APOOL: variants seen among roughly 807,000 people sequenced by gnomAD.
APOOL encodes the protein MICOS complex subunit MIC27.
Under a neutral mutation model 23.1 loss-of-function variants are expected in APOOL, and 12 were observed. That is an observed-to-expected ratio of 0.52 (90% CI 0.33 to 0.84). APOOL has a LOEUF of 0.84. Ranked by LOEUF, APOOL falls within the 40% of genes least tolerant of loss-of-function variation. The pLI, the probability that APOOL is intolerant of heterozygous loss-of-function variation, is 0.02. For missense variants in APOOL, 212 were observed against 199.6 expected (o/e 1.06, Z -0.37); for synonymous variants, 77 against 69.9 (o/e 1.10, Z -0.51).
chrX:85,074,163 T>C, intron 7 of APOOL, 52 bp downstream of exon 7: 1 of 1,136,196 alleles, frequency 8.8e-7, no homozygotes, highest in Non-Finnish European at 1.2e-6. Context: ...TTTGGGTGGG[T>C]GTTGGCTTGT....
chrX:85,080,976 CTA>C (rs200770584), intron 8 of APOOL, among the ~76,000 whole-genome samples: 2,153 of 110,756 alleles, frequency 0.019, 27 homozygotes, highest in African/African-American at 0.039. Context: ...TATTTTGAGC[CTA>C]TGTGTGTCTC....
At chrX:85,064,573 T>G (rs1033806399) in intron 5 of APOOL, among the ~76,000 whole-genome samples, 4 of 111,290 alleles carry the variant, frequency 3.6e-5, no homozygotes, top group Admixed American at 9.7e-5. Context: ...GATTCTGGCA[T>G]GTTGTCTCTT....
intron 5 of APOOL, among the ~76,000 whole-genome samples, chrX:85,065,010 G>A (rs1761073284): frequency 9.0e-6 from 1 of 111,402 alleles, no homozygotes; most frequent in Non-Finnish European, 1.9e-5. Context: ...TTATGTGGAG[G>A]TGTGTGTCTC....
intron 1 of APOOL, among the ~76,000 whole-genome samples, chrX:85,021,049 A>T (rs757030905): frequency 1.8e-5 from 2 of 111,606 alleles, no homozygotes; most frequent in South Asian, 7.6e-4. Context: ...CTTGGGGTCC[A>T]CTCCTTAGCA....
intron 1 of APOOL, among the ~76,000 whole-genome samples, chrX:85,038,633 A>G (rs971415307): frequency 9.9e-6 from 1 of 100,902 alleles, no homozygotes; most frequent in Non-Finnish European, 2.0e-5. Flanking sequence ...TCATGGTTCA[A>G]TCTTGGGTGG....
intron 6 of APOOL, among the ~76,000 whole-genome samples, chrX:85,067,627 AACACACACACACACACACAC>A (rs758966009): frequency 1.1e-5 from 1 of 90,404 alleles, no homozygotes; most frequent in African/African-American, 4.1e-5. Flanking sequence ...CTGAAGGTAA[AACACACACACACACACACAC>A]ACACACACAC....
chrX:85,079,656 G>T (rs905974600), intron 8 of APOOL, among the ~76,000 whole-genome samples: 1 of 111,730 alleles, frequency 9.0e-6, no homozygotes, highest in Non-Finnish European at 1.9e-5. Flanking sequence ...AATAGTTTCA[G>T]AAGGAATGGT....
chrX:85,025,259 C>T (rs1278542952), intron 1 of APOOL, among the ~76,000 whole-genome samples: 1 of 111,500 alleles, frequency 9.0e-6, no homozygotes, highest in Non-Finnish European at 1.9e-5. Context: ...AACACCAAGC[C>T]ATAAGGGATC....
intron 8 of APOOL, among the ~76,000 whole-genome samples, chrX:85,079,672 C>T (rs57000653): frequency 2.7e-5 from 3 of 111,581 alleles, no homozygotes; most frequent in South Asian, 7.5e-4. Flanking sequence ...ATGGTACCAG[C>T]TCCTCTTTGT....
At chrX:85,040,886 T>G (rs942229206) in intron 1 of APOOL, among the ~76,000 whole-genome samples, 2 of 112,096 alleles carry the variant, frequency 1.8e-5, no homozygotes, top group African/African-American at 3.2e-5. Flanking sequence ...GTCTTTCATT[T>G]CCACCACTTT....
At position 85,008,535 on chromosome X, in the gene APOOL, TTGTGTG is replaced by T. The variant is rs57105866; in HGVS notation, c.15+4642_15+4647del. Among the ~76,000 whole-genome samples the T allele has an allele frequency of 4.9e-3, 425 of 86,124 alleles. 3 individuals carry two copies. The highest frequency in any genetic ancestry group is 7.5e-3 in the Non-Finnish European group (336 of 44,658). 74.8% of individuals were successfully genotyped at this position (86,124 alleles called of 115,157 possible). A position where few individuals can be genotyped will look rare whatever the true frequency, so the allele number is the denominator to read the frequency against. ...TTTTTTATGGTTGAATGATAACCCG[TTGTGTG>T]TGTGTGTGTGTGTGTGTGTGTGTGT... On this transcript the variant is annotated intron_variant, in intron 1 of 8. Transcript: ENST00000373173.
chrX:85,057,688 G>T (rs1923027455), intron 5 of APOOL, among the ~76,000 whole-genome samples: 3 of 105,051 alleles, frequency 2.9e-5, no homozygotes, highest in Non-Finnish European at 5.8e-5. Flanking sequence ...CTGAATGGAT[G>T]ATATATATAT....
In APOOL at chrX:85,087,723, G is replaced by A. The variant is rs1408225278; in HGVS notation, c.*45G>A. On this transcript the variant is annotated 3_prime_UTR_variant, in exon 9 of 9. Coordinates refer to ENST00000373173, the MANE Select transcript of APOOL (RefSeq NM_198450.6). ...CTACACAGAAAACTACAAGATGTGT[G>A]GCGTTGCAAATAATGATGAAAATAA... 9.7e-7 allele frequency: 1 copy of A among 1,034,747 alleles called. No homozygotes were observed. Among genetic ancestry groups the A allele is most frequent in the Admixed American group, 3.1e-5 (1 of 32,614 alleles). The allele number at this position is 1,034,747 out of a possible 1,213,427, so 85.3% of individuals were successfully genotyped here.
At position 85,088,263 on chromosome X, in the gene APOOL, C is replaced by A. The variant is rs1353109905; in HGVS notation, c.*585C>A. On this transcript the variant is annotated 3_prime_UTR_variant, in exon 9 of 9. Coordinates refer to ENST00000373173, the MANE Select transcript of APOOL (RefSeq NM_198450.6). Reference sequence around the variant, plus strand: ...ACATATATTTCTGCTCTAGCTTTCCCAGATTAATGCTAGTTAAATTAGAAT... The same window carrying A: ...ACATATATTTCTGCTCTAGCTTTCCAAGATTAATGCTAGTTAAATTAGAAT... 1 of 89,958 alleles carries A rather than the reference C, an allele frequency of 1.1e-5. No homozygotes were observed. Among genetic ancestry groups the A allele is most frequent in the African/African-American group, 4.2e-5 (1 of 23,668 alleles). 7.4% of individuals were successfully genotyped at this position (89,958 alleles called of 1,213,427 possible). A position where few individuals can be genotyped will look rare whatever the true frequency, so the allele number is the denominator to read the frequency against.
chrX:85,053,058 A>G (rs1159683654), intron 3 of APOOL, among the ~76,000 whole-genome samples: 1 of 111,804 alleles, frequency 8.9e-6, no homozygotes, highest in East Asian at 2.8e-4. Context: ...CCATTCTTTA[A>G]AAATTATGTC....
chrX:85,087,311 C>T (rs941586385), intron 8 of APOOL, among the ~76,000 whole-genome samples: 2 of 111,138 alleles, frequency 1.8e-5, no homozygotes, highest in South Asian at 3.8e-4. Flanking sequence ...CTTCAGTTCT[C>T]GGCTCATGTA....
chrX:85,050,346 A>G lies in APOOL; in HGVS notation c.121-1043A>G, dbSNP rs200421891. ...AGTATATATACATTGTGGAATGACT[A>G]AATCTGTCTAATTTACATATGTATT... On this transcript the variant is annotated intron_variant, in intron 2 of 8. Coordinates refer to ENST00000373173, the MANE Select transcript of APOOL (RefSeq NM_198450.6). Among the ~76,000 whole-genome samples, 4 of 111,799 alleles carry G rather than the reference A, an allele frequency of 3.6e-5. No individual in the cohort carries two copies. In the East Asian group the frequency reaches 8.4e-4, roughly 24 times the overall value.
chrX:85,023,566 A>G (rs992157359), intron 1 of APOOL, among the ~76,000 whole-genome samples: 3 of 112,074 alleles, frequency 2.7e-5, no homozygotes, highest in South Asian at 3.7e-4. Flanking sequence ...CCTAAAATCC[A>G]TATGCAACCA....
chrX:85,089,747 A>T lies in APOOL; in HGVS notation c.*2069A>T, dbSNP rs769576519. The T allele has an allele frequency of 9.9e-5, 11 of 110,594 alleles. No homozygotes were observed. In the South Asian group the frequency reaches 4.3e-3, roughly 43 times the overall value. The allele number at this position is 110,594 out of a possible 1,213,427, so 9.1% of individuals were successfully genotyped here. On this transcript the variant is annotated 3_prime_UTR_variant, in exon 9 of 9. Transcript: ENST00000373173. ...AGATATGCCAATGTCAATGTGCCTAAAACAAAATTGTCTCTACCTCCCGCT... is the reference window on the plus strand; with the variant it reads ...AGATATGCCAATGTCAATGTGCCTATAACAAAATTGTCTCTACCTCCCGCT...
Sources: gnomAD v4.1 joint callset for allele counts (sites outside exome capture counted in the v4.1 genomes callset) on GRCh38, gnomAD v4.1.1 for gene constraint, MANE v1.5 for transcripts, NCBI Gene and HGNC (gene_info 2026-07-23, HGNC 2026-07-21) for gene names.